Variants in ZNF251 observed in about 807,000 individuals in gnomAD.
ZNF251 encodes the protein zinc finger protein 251.
Under a neutral mutation model 13.5 loss-of-function variants are expected in ZNF251, and 14 were observed. That is an observed-to-expected ratio of 1.04 (90% CI 0.69 to 1.63). The LOEUF is 1.63. Ranked by LOEUF, ZNF251 falls within the 40% of genes most tolerant of loss-of-function variation. ZNF251 has a pLI of 0.00. For missense variants in ZNF251, 764 were observed against 834.9 expected (o/e 0.92, Z 1.05); for synonymous variants, 287 against 295.2 (o/e 0.97, Z 0.28).
intron 4 of ZNF251, among the ~76,000 whole-genome samples, chr8:144,750,030 C>A (rs1035716080): frequency 6.6e-6 from 1 of 151,796 alleles, no homozygotes; most frequent in African/African-American, 2.4e-5. Context: ...ATTTTAATCT[C>A]TTTTGCTTAC....
At chr8:144,741,903 G>A (rs978316488) in intron 4 of ZNF251, among the ~76,000 whole-genome samples, 6 of 152,190 alleles carry the variant, frequency 3.9e-5, no homozygotes, top group Admixed American at 3.9e-4. Flanking sequence ...GGAGACCAGA[G>A]AGAGAATGGT....
Position 144,721,580 on chromosome 8 carries a change from T to TTATGCCA in ZNF251, c.*57_*63dup. 1 of 1,284,594 alleles carries TTATGCCA rather than the reference T, an allele frequency of 7.8e-7. No individual in the cohort carries two copies. The highest frequency in any genetic ancestry group is 9.9e-7 in the Non-Finnish European group (1 of 1,005,358). 79.6% of individuals were successfully genotyped at this position (1,284,594 alleles called of 1,614,324 possible). On this transcript the variant is annotated 3_prime_UTR_variant, in exon 5 of 5. Coordinates refer to ENST00000292562, the MANE Select transcript of ZNF251 (RefSeq NM_138367.2). Reference sequence around the variant, plus strand: ...ATATTTAGACCTTATATATCTTTCATTATGCCATCTTATCTTCTAATGTCA... The same window carrying TTATGCCA: ...ATATTTAGACCTTATATATCTTTCATTATGCCATATGCCATCTTATCTTCTAATGTCA...
rs762696462 is a variant in ZNF251, at chr8:144,721,622, A to G, written c.*22T>C. On this transcript the variant is annotated 3_prime_UTR_variant, in exon 5 of 5. Coordinates refer to ENST00000292562, the MANE Select transcript of ZNF251 (RefSeq NM_138367.2). ...CTAATGTCAAGTGAACAGTTGCTAAACTGTCTTCTGCATTTATCACATTAA... is the reference window on the plus strand; with the variant it reads ...CTAATGTCAAGTGAACAGTTGCTAAGCTGTCTTCTGCATTTATCACATTAA... 2.3e-5 allele frequency: 31 copies of G among 1,326,098 alleles called. No homozygotes were observed. The highest frequency in any genetic ancestry group is 3.0e-5 in the Non-Finnish European group (31 of 1,027,958). 82.1% of individuals were successfully genotyped at this position (1,326,098 alleles called of 1,614,324 possible). A position where few individuals can be genotyped will look rare whatever the true frequency, so the allele number is the denominator to read the frequency against.
chr8:144,740,802 A>G (rs1286476058), intron 4 of ZNF251, among the ~76,000 whole-genome samples: 1 of 151,380 alleles, frequency 6.6e-6, no homozygotes, highest in Non-Finnish European at 1.5e-5. Context: ...GCGTGGTGGC[A>G]GGTGCCTGTA....
chr8:144,727,410 T>C (rs1823549980), intron 4 of ZNF251, among the ~76,000 whole-genome samples: 1 of 152,240 alleles, frequency 6.6e-6, no homozygotes, highest in Non-Finnish European at 1.5e-5. Context: ...TTGTCTACAC[T>C]GAAAATCTAT....
intron 4 of ZNF251, among the ~76,000 whole-genome samples, chr8:144,736,942 A>C (rs1823922903): frequency 6.6e-6 from 1 of 151,920 alleles, no homozygotes; most frequent in Admixed American, 6.6e-5. Context: ...AGCTGGGATT[A>C]CAGGCGCCCA....
chr8:144,738,751 T>C (rs1824017398), intron 4 of ZNF251: 1 of 984,378 alleles, frequency 1.0e-6, no homozygotes, highest in Non-Finnish European at 1.2e-6. Flanking sequence ...GGCAACCTCG[T>C]GGGGGCACCT....
chr8:144,744,917 G>A (rs548834661), intron 4 of ZNF251, among the ~76,000 whole-genome samples: 23 of 152,172 alleles, frequency 1.5e-4, no homozygotes, highest in Non-Finnish European at 2.1e-4. Flanking sequence ...CCAGCTGGGC[G>A]TGGTGGCGGG....
chr8:144,748,112 C>G (rs1026162996), intron 4 of ZNF251, among the ~76,000 whole-genome samples: 1 of 150,964 alleles, frequency 6.6e-6, no homozygotes, highest in Non-Finnish European at 1.5e-5. Context: ...CTCACTCTGT[C>G]GCCCAGGCTG....
At chr8:144,755,277 C>T (rs1162740516) in intron 1 of ZNF251, 128 bp downstream of exon 1, 5 of 1,211,274 alleles carry the variant, frequency 4.1e-6, no homozygotes, top group Non-Finnish European at 5.2e-6. Context: ...CTCTGCAGCC[C>T]GTCGGTGGCT....
intron 4 of ZNF251, among the ~76,000 whole-genome samples, chr8:144,728,642 G>A (rs902291713): frequency 4.3e-5 from 6 of 139,432 alleles, no homozygotes; most frequent in African/African-American, 8.5e-5. Flanking sequence ...CAGTCTGGGC[G>A]ACAGAGCAAG....
At chr8:144,732,784 C>G (rs912493287) in intron 4 of ZNF251, among the ~76,000 whole-genome samples, 1 of 146,580 alleles carries the variant, frequency 6.8e-6, no homozygotes, top group Non-Finnish European at 1.5e-5. Flanking sequence ...TGCACTCCAG[C>G]CTGGGCGACA....
intron 4 of ZNF251, among the ~76,000 whole-genome samples, chr8:144,749,115 T>C (rs1824569001): frequency 6.6e-6 from 1 of 151,692 alleles, no homozygotes; most frequent in South Asian, 2.1e-4. Flanking sequence ...CCATGAGTCA[T>C]GATCAAGCTA....
rs375013091 is a variant in ZNF251, at chr8:144,722,937, C to T, written c.723G>A (p.Arg241=). The change falls in exon 5 of 5, where the codon CGG becomes CGA. Residue 241 remains arginine, a synonymous_variant. Transcript: ENST00000292562. This position sits in a 1 kb window ranked among gnomAD's most constrained non-coding sequence, Gnocchi z 4.8. The part of the protein sequence containing the change: ...HTGEKPYECG[R]CGRAFTHSSN... ...AGCTGTGAGTAAAGGCTCGCCCACACCGGCCACATTCGTACGGCTTCTCCC... is the reference window on the plus strand; with the variant it reads ...AGCTGTGAGTAAAGGCTCGCCCACATCGGCCACATTCGTACGGCTTCTCCC... 10 of 1,613,454 alleles carry T rather than the reference C, an allele frequency of 6.2e-6. No individual in the cohort carries two copies. The highest frequency in any genetic ancestry group is 1.1e-5 in the South Asian group (1 of 91,004).
At chr8:144,730,201 G>T (rs895026036) in intron 4 of ZNF251, 24 of 798,182 alleles carry the variant, frequency 3.0e-5, no homozygotes, top group African/African-American at 3.7e-5. Flanking sequence ...CCAGGCGCGG[G>T]GCCCAGAGCG....
intron 4 of ZNF251, among the ~76,000 whole-genome samples, chr8:144,749,700 T>C (rs1824598694): frequency 6.6e-6 from 1 of 152,158 alleles, no homozygotes; most frequent in South Asian, 2.1e-4. Flanking sequence ...CTTTTTTAAC[T>C]TTTTAAATTG....
At chr8:144,746,280 T>C (rs1824425813) in intron 4 of ZNF251, among the ~76,000 whole-genome samples, 1 of 152,238 alleles carries the variant, frequency 6.6e-6, no homozygotes, top group African/African-American at 2.4e-5. Flanking sequence ...ATGTGGTACA[T>C]CACATTACAT....
chr8:144,746,823 T>G (rs971440166), intron 4 of ZNF251, among the ~76,000 whole-genome samples: 1 of 152,130 alleles, frequency 6.6e-6, no homozygotes, highest in Non-Finnish European at 1.5e-5. Context: ...TGATGTTCCC[T>G]CTTTCATTTG....
intron 4 of ZNF251, among the ~76,000 whole-genome samples, chr8:144,738,923 C>A (rs1222393150): frequency 6.6e-6 from 1 of 152,140 alleles, no homozygotes; most frequent in African/African-American, 2.4e-5. Context: ...CAAGGGATCA[C>A]AATAAATGCA....
Sources: allele counts gnomAD v4.1 joint callset (sites outside exome capture counted in the v4.1 genomes callset), GRCh38; gene constraint gnomAD v4.1.1; non-coding constraint Gnocchi (gnomAD v3.1); transcripts MANE v1.5; gene names NCBI Gene and HGNC (gene_info 2026-07-23, HGNC 2026-07-21).